Variants in LIN28B observed in about 807,000 individuals in gnomAD.
LIN28B encodes protein lin-28 homolog B.
A neutral mutation model predicts 21.9 loss-of-function variants in LIN28B; 5 were observed. That is an observed-to-expected ratio of 0.23 (90% CI 0.12 to 0.48). LIN28B has a LOEUF of 0.48. Among genes scored for constraint, LIN28B ranks in the 20% least tolerant of loss-of-function variants. The pLI is 0.98. For missense variants in LIN28B, 245 were observed against 310.5 expected (o/e 0.79, Z 1.58); for synonymous variants, 109 against 111.3 (o/e 0.98, Z 0.13).
At chr6:104,946,128 A>AT (rs1394880981) in intron 2 of LIN28B, among the ~76,000 whole-genome samples, 2 of 151,894 alleles carry the variant, frequency 1.3e-5, no homozygotes, top group Admixed American at 6.6e-5. Context: ...CAACTTTGAG[A>AT]TTTTTTCCTA....
At chr6:105,051,141 G>T (rs1233470639) in intron 3 of LIN28B, among the ~76,000 whole-genome samples, 2 of 150,926 alleles carry the variant, frequency 1.3e-5, no homozygotes, top group Non-Finnish European at 2.9e-5. Context: ...TTAATAATGA[G>T]TAAAAGAAAA....
At chr6:104,997,496 C>A (rs2114283282) in intron 2 of LIN28B, among the ~76,000 whole-genome samples, 1 of 151,980 alleles carries the variant, frequency 6.6e-6, no homozygotes, top group Non-Finnish European at 1.5e-5. Flanking sequence ...TGTATAGTTT[C>A]TCAGTTGCCC....
At chr6:104,987,818 C>T (rs1582880252) in intron 2 of LIN28B, among the ~76,000 whole-genome samples, 1 of 152,092 alleles carries the variant, frequency 6.6e-6, no homozygotes, top group Admixed American at 6.6e-5. Flanking sequence ...GATCTTGGCT[C>T]ACTGCCACCT....
chr6:104,975,694 G>A (rs1337818398), intron 2 of LIN28B, among the ~76,000 whole-genome samples: 1 of 151,792 alleles, frequency 6.6e-6, no homozygotes, highest in African/African-American at 2.4e-5. Flanking sequence ...TGTCTCCCAG[G>A]CTGGAGTGCA....
At chr6:104,938,158 T>C (rs1354562252) in intron 2 of LIN28B, among the ~76,000 whole-genome samples, 1 of 150,954 alleles carries the variant, frequency 6.6e-6, no homozygotes, top group Admixed American at 6.6e-5. Context: ...AGATGGATTC[T>C]CACTTGTGCC....
At chr6:104,989,616 CAG>C (rs1460398563) in intron 2 of LIN28B, among the ~76,000 whole-genome samples, 2 of 105,206 alleles carry the variant, frequency 1.9e-5, no homozygotes, top group Non-Finnish European at 3.5e-5. Context: ...TTTTTTGAGA[CAG>C]AGTCTCACTG....
intron 2 of LIN28B, among the ~76,000 whole-genome samples, chr6:104,939,063 A>C (rs1778049055): frequency 1.3e-5 from 2 of 152,212 alleles, no homozygotes; most frequent in African/African-American, 2.4e-5. Flanking sequence ...ATTAAAAAAA[A>C]CAGTTCATTC....
intron 3 of LIN28B, among the ~76,000 whole-genome samples, chr6:105,031,943 CA>C (rs1771433872): frequency 6.6e-6 from 1 of 152,156 alleles, no homozygotes; most frequent in Non-Finnish European, 1.5e-5. Flanking sequence ...ACCCCTTCCC[CA>C]CCTATAACCC....
intron 3 of LIN28B, among the ~76,000 whole-genome samples, chr6:105,042,977 T>C (rs189232094): frequency 1.3e-3 from 191 of 152,274 alleles, no homozygotes; most frequent in Non-Finnish European, 4.6e-4. Context: ...ACCCCTCTGC[T>C]ATGGGAGATG....
intron 3 of LIN28B, among the ~76,000 whole-genome samples, chr6:105,064,984 T>G (rs1424231907): frequency 6.6e-6 from 1 of 152,210 alleles, no homozygotes; most frequent in African/African-American, 2.4e-5. Context: ...CTAGCCCTAA[T>G]GATTAGAAGT....
chr6:105,037,186 C>G (rs1010859842), intron 3 of LIN28B, among the ~76,000 whole-genome samples: 5 of 151,608 alleles, frequency 3.3e-5, no homozygotes, highest in Admixed American at 2.6e-4. Context: ...CTGCTGAATC[C>G]TTCCACTGAA....
intron 3 of LIN28B, among the ~76,000 whole-genome samples, chr6:105,075,974 T>C (rs966817800): frequency 3.9e-5 from 6 of 152,246 alleles, no homozygotes; most frequent in Admixed American, 3.9e-4. Context: ...ATTTAAGAAT[T>C]CACTTATCTA....
At chr6:104,941,209 C>T (rs1014532950) in intron 2 of LIN28B, 1 of 152,240 alleles carries the variant, frequency 6.6e-6, no homozygotes, top group African/African-American at 2.4e-5. Context: ...TGACAGGTCT[C>T]GCAGCAAGTT....
chr6:104,958,207 G>T lies in LIN28B; in HGVS notation c.119G>T (p.Arg40Leu). The T allele has an allele frequency of 1.9e-6, 3 of 1,605,280 alleles. No homozygotes were observed. The highest frequency in any genetic ancestry group is 2.6e-6 in the Non-Finnish European group (3 of 1,173,152). Residue 40 changes from arginine to leucine, a missense_variant, in exon 2 of 4, where the codon CGC becomes CTC. By Grantham distance (102) the Arg-to-Leu change is moderately radical. Coordinates refer to ENST00000345080, the MANE Select transcript of LIN28B (RefSeq NM_001004317.4). ...GGCCACTGTAAGTGGTTCAATGTGC[G>T]CATGGGATTTGGATTCATCTCCATG... ...GTGHCKWFNV[R>L]MGFGFISMIN...
intron 3 of LIN28B, among the ~76,000 whole-genome samples, chr6:105,029,746 C>G (rs540389082): frequency 6.6e-6 from 1 of 152,138 alleles, no homozygotes; most frequent in Non-Finnish European, 1.5e-5. Flanking sequence ...CCATTGTTGA[C>G]TTCATGGCTA....
chr6:105,046,717 T>C (rs898660348), intron 3 of LIN28B, among the ~76,000 whole-genome samples: 12 of 152,284 alleles, frequency 7.9e-5, no homozygotes, highest in African/African-American at 2.2e-4. Context: ...TTCTAACTGG[T>C]GTGAGATGGT....
chr6:104,972,702 G>T lies in LIN28B; in HGVS notation c.198+14416G>T, dbSNP rs74673495. Among the ~76,000 whole-genome samples the T allele has an allele frequency of 4.1e-3, 623 of 152,186 alleles. 2 individuals carry two copies. The highest frequency in any genetic ancestry group is 0.015 in the African/African-American group (613 of 41,516). ...TACTAAATAAATAAATTTTCAAATA[G>T]TTGAAATATGTGAACAGCCAGATAG... On this transcript the variant is annotated intron_variant, in intron 2 of 3. Transcript: ENST00000345080.
chr6:104,993,529 T>G (rs76357217), intron 2 of LIN28B, among the ~76,000 whole-genome samples: 15,383 of 152,186 alleles, frequency 0.1, 834 homozygotes, highest in African/African-American at 0.12. Flanking sequence ...TTTGTTTGTT[T>G]CAGGCTTTTA....
At chr6:104,978,429 C>T (rs1770152622) in intron 2 of LIN28B, among the ~76,000 whole-genome samples, 1 of 152,110 alleles carries the variant, frequency 6.6e-6, no homozygotes, top group African/African-American at 2.4e-5. Context: ...TAATGCTTAT[C>T]AGCTGCTTGA....
Sources: allele counts gnomAD v4.1 joint callset (sites outside exome capture counted in the v4.1 genomes callset), GRCh38; gene constraint gnomAD v4.1.1; transcripts MANE v1.5; gene names NCBI Gene and HGNC (gene_info 2026-07-23, HGNC 2026-07-21).